Variants in SLC4A4 observed in about 807,000 individuals in gnomAD.
SLC4A4 encodes the protein solute carrier family 4 member 4, also known as electrogenic sodium bicarbonate cotransporter 1.
A neutral mutation model predicts 111.5 loss-of-function variants in SLC4A4; 27 were observed. The ratio of observed to expected loss-of-function variants is 0.24; its 90% CI spans 0.18 to 0.33. SLC4A4 has a LOEUF of 0.33. Ranked by LOEUF, SLC4A4 falls within the 10% of genes least tolerant of loss-of-function variation. SLC4A4 has a pLI of 1.00. For missense variants in SLC4A4, 909 were observed against 1,315.5 expected (o/e 0.69, Z 4.78); for synonymous variants, 443 against 463.4 (o/e 0.96, Z 0.57).
At chr4:71,477,436 C>T (rs1464402574) in intron 14 of SLC4A4, among the ~76,000 whole-genome samples, 1 of 151,736 alleles carries the variant, frequency 6.6e-6, no homozygotes, top group African/African-American at 2.4e-5. Context: ...AAGGCTTCTA[C>T]TGCAAGTCTG....
chr4:71,170,617 G>A (rs1744908868), intron 2 of SLC4A4, among the ~76,000 whole-genome samples: 1 of 152,146 alleles, frequency 6.6e-6, no homozygotes, highest in Non-Finnish European at 1.5e-5. Context: ...TTTAGTGAGA[G>A]CCTACTATAT....
chr4:71,219,745 G>A (rs897096852), intron 1 of SLC4A4, among the ~76,000 whole-genome samples: 16 of 151,142 alleles, frequency 1.1e-4, no homozygotes, highest in African/African-American at 3.6e-4. Context: ...TACAGAAACA[G>A]AAGTTTAAGA....
intron 8 of SLC4A4, among the ~76,000 whole-genome samples, chr4:71,444,308 G>T (rs565234486): frequency 2.5e-4 from 38 of 152,248 alleles, no homozygotes; most frequent in South Asian, 6.2e-4. Flanking sequence ...AATGCTGGAG[G>T]CATCTTCCGC....
intron 4 of SLC4A4, among the ~76,000 whole-genome samples, chr4:71,349,157 A>G (rs1261093047): frequency 2.6e-5 from 4 of 152,194 alleles, no homozygotes; most frequent in Non-Finnish European, 5.9e-5. Context: ...CAAAATGTCT[A>G]GGAGTCTTAG....
At chr4:71,329,108 T>C (rs756686899) in intron 3 of SLC4A4, among the ~76,000 whole-genome samples, 3 of 152,074 alleles carry the variant, frequency 2.0e-5, no homozygotes, top group Non-Finnish European at 2.9e-5. Flanking sequence ...GGCACCTCTA[T>C]AAAAAATGAG....
chr4:71,471,891 A>C (rs2149107120), intron 13 of SLC4A4, among the ~76,000 whole-genome samples: 1 of 152,056 alleles, frequency 6.6e-6, no homozygotes, highest in East Asian at 2.0e-4. Context: ...CTTCACACCC[A>C]GCTTCAGCAG....
chr4:71,114,779 G>A (rs1247429143), intron 2 of SLC4A4, among the ~76,000 whole-genome samples: 100 of 120,310 alleles, frequency 8.3e-4, no homozygotes, highest in South Asian at 6.5e-3. Context: ...TCAGTGTGGC[G>A]ATTCCTCAGG....
At chr4:71,286,065 C>T (rs951832930) in intron 3 of SLC4A4, among the ~76,000 whole-genome samples, 3 of 152,114 alleles carry the variant, frequency 2.0e-5, no homozygotes, top group East Asian at 1.9e-4. Flanking sequence ...AGTGAAACCC[C>T]GTCTCTACTA....
Position 71,569,457 on chromosome 4 carries a change from T to C in SLC4A4, c.*1706T>C, listed in dbSNP as rs868720665. The C allele has an allele frequency of 1.3e-5, 2 of 151,748 alleles. No homozygotes were observed. The highest frequency in any genetic ancestry group is 2.9e-5 in the Non-Finnish European group (2 of 67,808). The allele number at this position is 151,748 out of a possible 1,614,324, so 9.4% of individuals were successfully genotyped here. The stretch of plus-strand genomic sequence containing the variant: ...TATTTGTGTACATATTATATGTATG[T>C]ATATTTCAAAGTACCACACTGAAAA... On this transcript the variant is annotated 3_prime_UTR_variant, in exon 26 of 26. Transcript: ENST00000264485.
At chr4:71,108,485 G>T (rs140717828) in intron 2 of SLC4A4, among the ~76,000 whole-genome samples, 1 of 152,202 alleles carries the variant, frequency 6.6e-6, no homozygotes, top group African/African-American at 2.4e-5. Context: ...GGCCTCCAAA[G>T]TTTCTGATGA....
chr4:71,123,020 A>C (rs1197402663), intron 2 of SLC4A4, among the ~76,000 whole-genome samples: 2 of 152,244 alleles, frequency 1.3e-5, no homozygotes, highest in Non-Finnish European at 2.9e-5. Flanking sequence ...GATAAAATGA[A>C]AAGATAAAAG....
intron 1 of SLC4A4, among the ~76,000 whole-genome samples, chr4:71,085,100 A>T (rs1244157485): frequency 2.0e-5 from 3 of 152,172 alleles, no homozygotes; most frequent in East Asian, 3.9e-4. Flanking sequence ...TGCCATTCTA[A>T]CTGGTGTGAG....
At chr4:71,066,942 T>G (rs1274812416) in intron 1 of SLC4A4, among the ~76,000 whole-genome samples, 1 of 152,226 alleles carries the variant, frequency 6.6e-6, no homozygotes, top group East Asian at 1.9e-4. Flanking sequence ...TGGCCATCCT[T>G]GGCCTATGAC....
At chr4:71,449,835 A>G (rs1725595399) in intron 9 of SLC4A4, among the ~76,000 whole-genome samples, 1 of 152,224 alleles carries the variant, frequency 6.6e-6, no homozygotes, top group South Asian at 2.1e-4. Context: ...TGTCTTGCTA[A>G]AAGATAGACA....
At chr4:71,069,737 C>T (rs1412790896) in intron 1 of SLC4A4, among the ~76,000 whole-genome samples, 1 of 152,166 alleles carries the variant, frequency 6.6e-6, no homozygotes. Flanking sequence ...AAACATTTAG[C>T]TTCTACTCTT....
At chr4:71,074,637 GAGA>G (rs1386676409) in intron 1 of SLC4A4, among the ~76,000 whole-genome samples, 1 of 151,914 alleles carries the variant, frequency 6.6e-6, no homozygotes, top group Non-Finnish European at 1.5e-5. Context: ...GGAGAAAAAG[GAGA>G]AGAGAAAGGA....
intron 6 of SLC4A4, among the ~76,000 whole-genome samples, chr4:71,362,576 C>G (rs1386026116): frequency 1.3e-5 from 2 of 152,196 alleles, no homozygotes; most frequent in Non-Finnish European, 2.9e-5. Flanking sequence ...TGGAAAGAAA[C>G]TAGCAGATAT....
chr4:71,463,687 A>T (rs750828037), intron 12 of SLC4A4, among the ~76,000 whole-genome samples: 4 of 152,268 alleles, frequency 2.6e-5, no homozygotes, highest in South Asian at 2.1e-4. Flanking sequence ...AATGAGCAAC[A>T]ATGCCTGTTG....
At chr4:71,085,278 T>G (rs1283177149) in intron 1 of SLC4A4, among the ~76,000 whole-genome samples, 2 of 152,094 alleles carry the variant, frequency 1.3e-5, no homozygotes, top group Admixed American at 6.6e-5. Flanking sequence ...TAAATTTGTT[T>G]GAGTTCATTG....
Sources: allele counts gnomAD v4.1 joint callset (sites outside exome capture counted in the v4.1 genomes callset), GRCh38; gene constraint gnomAD v4.1.1; transcripts MANE v1.5; gene names NCBI Gene and HGNC (gene_info 2026-07-23, HGNC 2026-07-21).